The following ZCCHC8 variants were observed in gnomAD, a reference collection of about 807,000 sequenced individuals.
ZCCHC8 encodes the protein zinc finger CCHC domain-containing protein 8.
In ZCCHC8, 27 loss-of-function variants were observed where a neutral mutation model predicts 70.6. That is an observed-to-expected ratio of 0.38 (90% confidence interval 0.28 to 0.53). The LOEUF is 0.53. Among genes scored for constraint, ZCCHC8 ranks in the 20% least tolerant of loss-of-function variants. The pLI is 0.81. For synonymous variants in ZCCHC8, 293 were observed against 317.4 expected, an observed-to-expected ratio of 0.92 and a Z score of 0.82; for missense variants, 737 against 876.9, an observed-to-expected ratio of 0.84 and a Z score of 2.01.
At chr12:122,474,487 T>G (rs1462757355) in intron 13 of ZCCHC8, among the ~76,000 whole-genome samples, 1 of 152,130 alleles carries the variant, frequency 6.6e-6, no homozygotes, top group Non-Finnish European at 1.5e-5. Flanking sequence ...GTCAGGATCT[T>G]CTGGTGCTAA....
In ZCCHC8 at chr12:122,473,661, TGGCC is replaced by T; in HGVS notation, c.1956_1959del (p.Ala653LeufsTer10). On this transcript the variant is annotated frameshift_variant, in exon 14 of 14. Transcript: ENST00000633063. LOFTEE classifies it high-confidence loss of function. The stretch of plus-strand genomic sequence containing the variant: ...TCAGGTATAGGGCTATGAATTTTAG[TGGCC>T]GTTGAAGGACTGGTGTCTGCAGGAA... 6.2e-7 allele frequency: 1 copy of T among 1,614,052 alleles called. No homozygotes were observed.
chr12:122,489,812 ATTT>A (rs1566299481), intron 4 of ZCCHC8, among the ~76,000 whole-genome samples: 1 of 152,190 alleles, frequency 6.6e-6, no homozygotes, highest in Admixed American at 6.6e-5. Flanking sequence ...TTCAGTATGA[ATTT>A]TATTGTTAAA....
chr12:122,494,720 C>T (rs567443664), intron 2 of ZCCHC8, among the ~76,000 whole-genome samples: 37 of 151,814 alleles, frequency 2.4e-4, no homozygotes, highest in African/African-American at 8.5e-4. Context: ...CCAGGCGTGG[C>T]GGCACGCGCC....
rs148867026 is a variant in ZCCHC8, at chr12:122,481,994, C to T, written c.826G>A (p.Ala276Thr). ...NNQNFQQRYHAEEVEERFGRF... is the reference protein window; with the variant it reads ...NNQNFQQRYHTEEVEERFGRF... ...CCAAATCTTTCTTCTACTTCTTCTG[C>T]GTGGTATCGCTGCTGGAAATTCTGA... The change falls in exon 9 of 14, where the codon GCA becomes ACA. Residue 276 changes from alanine to threonine, a missense_variant. Transcript: ENST00000633063. 85 of 1,613,402 alleles carry T rather than the reference C, an allele frequency of 5.3e-5. 1 individual carries two copies. The African/African-American group carries it at 6.4e-4, about 12-fold the overall frequency.
chr12:122,479,795 A>C (rs777438193), intron 11 of ZCCHC8, among the ~76,000 whole-genome samples: 1 of 152,232 alleles, frequency 6.6e-6, no homozygotes, highest in African/African-American at 2.4e-5. Context: ...AAATGTAAAC[A>C]AGTAACAAAT....
chr12:122,485,190 C>T (rs1174409668), intron 5 of ZCCHC8, among the ~76,000 whole-genome samples: 1 of 152,014 alleles, frequency 6.6e-6, no homozygotes, highest in African/African-American at 2.4e-5. Context: ...CTCACTGCAA[C>T]CTCCGGTTGA....
At chr12:122,493,452 G>A (rs772254803) in intron 2 of ZCCHC8, among the ~76,000 whole-genome samples, 29 of 151,816 alleles carry the variant, frequency 1.9e-4, no homozygotes, top group Non-Finnish European at 3.4e-4. Flanking sequence ...ATGGAGTCTC[G>A]CTCTGTTGCC....
chr12:122,489,862 A>G (rs1957713409), intron 4 of ZCCHC8, among the ~76,000 whole-genome samples: 2 of 152,148 alleles, frequency 1.3e-5, no homozygotes, highest in Non-Finnish European at 2.9e-5. Flanking sequence ...AATTGTACAG[A>G]ATACATAAAA....
Position 122,486,234 on chromosome 12 carries a change from G to A in ZCCHC8, c.502-2671C>T, listed in dbSNP as rs189104589. Among the ~76,000 whole-genome samples, 4 of 151,816 alleles carry A rather than the reference G, an allele frequency of 2.6e-5. No homozygotes were observed. The East Asian group carries it at 5.9e-4, about 22-fold the overall frequency. ...TTGAGACCAGCCTGACCAACATGGT[G>A]AAACCCCATCTCTACTAAAAATACA... On this transcript the variant is annotated intron_variant, in intron 5 of 13. Transcript: ENST00000633063.
Position 122,478,301 on chromosome 12 carries a change from GA to G in ZCCHC8, c.1141-10del. 1 of 1,546,684 alleles carries G rather than the reference GA, an allele frequency of 6.5e-7. No homozygotes were observed. The highest frequency in any genetic ancestry group is 8.7e-7 in the Non-Finnish European group (1 of 1,145,274). The stretch of plus-strand genomic sequence containing the variant: ...CCAAAGATCCTCCATTCCTAATGAT[GA>G]AAAGAGAAGGAAAAAAAAAACACAT... On this transcript the variant is annotated splice_polypyrimidine_tract_variant and intron_variant, in intron 11 of 13. Transcript: ENST00000633063.
At chr12:122,495,550 A>G (rs1158204028) in intron 2 of ZCCHC8, among the ~76,000 whole-genome samples, 1 of 152,108 alleles carries the variant, frequency 6.6e-6, no homozygotes, top group African/African-American at 2.4e-5. Flanking sequence ...ATGTTTATTG[A>G]TTAAATAAAG....
At chr12:122,481,767 A>G in intron 9 of ZCCHC8, 103 bp from the exon 10 acceptor site, 1 of 1,396,512 alleles carries the variant, frequency 7.2e-7, no homozygotes, top group Admixed American at 2.6e-5. Flanking sequence ...ATTACATACC[A>G]TGACGTCTAA....
In ZCCHC8 at chr12:122,483,099, T is replaced by A; in HGVS notation, c.671+180A>T. The A allele has an allele frequency of 1.6e-6, 1 of 637,016 alleles. No individual in the cohort carries two copies. Among genetic ancestry groups the A allele is most frequent in the Non-Finnish European group, 2.6e-6 (1 of 377,766 alleles). The allele number at this position is 637,016 out of a possible 1,614,324, so 39.5% of individuals were successfully genotyped here. ...GCACATTAGGTGAGAACCAATGAATTCCAGGAAGCAGATGATTCATTTAAA... is the reference window on the plus strand; with the variant it reads ...GCACATTAGGTGAGAACCAATGAATACCAGGAAGCAGATGATTCATTTAAA... On this transcript the variant is annotated intron_variant, in intron 7 of 13. Coordinates refer to ENST00000633063, the MANE Select transcript of ZCCHC8 (RefSeq NM_017612.5). The surrounding 1 kb of genome is among the most constrained non-coding windows in gnomAD (Gnocchi z 4.4).
Position 122,478,255 on chromosome 12 carries a change from C to T in ZCCHC8, c.1178G>A (p.Cys393Tyr). The T allele has an allele frequency of 6.2e-7, 1 of 1,602,584 alleles. No individual in the cohort carries two copies. Among genetic ancestry groups the T allele is most frequent in the Non-Finnish European group, 8.5e-7 (1 of 1,174,578 alleles). The change falls in exon 12 of 14, where the codon TGT becomes TAT. Residue 393 changes from cysteine (C) to tyrosine (Y), a missense_variant. Coordinates refer to ENST00000633063, the MANE Select transcript of ZCCHC8 (RefSeq NM_017612.5). ...RIFGSIPMQA[C>Y]QQKDVFANYL... The stretch of plus-strand genomic sequence containing the variant: ...ATTGGCAAACACATCCTTCTGCTGA[C>T]ATGCCTGCATTGGTATGGAACCAAA...
chr12:122,492,874 T>C (rs1593330655), intron 2 of ZCCHC8, 85 bp from the exon 3 acceptor site: 2 of 950,042 alleles, frequency 2.1e-6, no homozygotes, highest in Non-Finnish European at 3.2e-6. Flanking sequence ...TTTTATACTT[T>C]TTTTTTCCTT....
chr12:122,487,769 T>A (rs1957667814), intron 5 of ZCCHC8, among the ~76,000 whole-genome samples: 1 of 152,164 alleles, frequency 6.6e-6, no homozygotes, highest in Admixed American at 6.5e-5. Flanking sequence ...CTTTGTAAAT[T>A]TTTCTTTCAA....
At chr12:122,499,935 C>T (rs1264960926) in intron 1 of ZCCHC8, 1 of 152,124 alleles carries the variant, frequency 6.6e-6, no homozygotes, top group Non-Finnish European at 1.5e-5. Context: ...AGTTATCTAT[C>T]TACCTATAAA....
rs370422041 is a variant in ZCCHC8, at chr12:122,498,879, T to G, written c.200-10A>C. On this transcript the variant is annotated splice_polypyrimidine_tract_variant and intron_variant, in intron 1 of 13. Coordinates refer to ENST00000633063, the MANE Select transcript of ZCCHC8 (RefSeq NM_017612.5). ...CGTTTAAGTTCTTGATGTTATTATT[T>G]GTTAAGGAAGATAAGCCCTCATTTA... The G allele has an allele frequency of 6.2e-7, 1 of 1,612,210 alleles. No individual in the cohort carries two copies. Among genetic ancestry groups the G allele is most frequent in the African/African-American group, 1.3e-5 (1 of 75,032 alleles).
In ZCCHC8 at chr12:122,483,338, A is replaced by C. The variant is rs748712552; in HGVS notation, c.612T>G (p.His204Gln). 1 of 1,596,716 alleles carries C rather than the reference A, an allele frequency of 6.3e-7. No homozygotes were observed. Residue 204 changes from histidine to glutamine, a missense_variant, in exon 7 of 14, where the codon CAT becomes CAG. Physicochemically the swap from His to Gln is conservative, Grantham distance 24. Coordinates refer to ENST00000633063, the MANE Select transcript of ZCCHC8 (RefSeq NM_017612.5). The surrounding 1 kb of genome is among the most constrained non-coding windows in gnomAD (Gnocchi z 4.4). ...LSEGWEIPKYHQVFSHIVSLE... is the reference protein window; with the variant it reads ...LSEGWEIPKYQQVFSHIVSLE... Reference sequence around the variant, plus strand: ...GAGAAACAATGTGGCTGAAGACTTGATGGTACCTTTAGTGAATTTTATTAA... The same window carrying C: ...GAGAAACAATGTGGCTGAAGACTTGCTGGTACCTTTAGTGAATTTTATTAA...
Sources: gnomAD v4.1 joint callset for allele counts (sites outside exome capture counted in the v4.1 genomes callset) on GRCh38, gnomAD v4.1.1 for gene constraint, Gnocchi (gnomAD v3.1) non-coding constraint, MANE v1.5 for transcripts, NCBI Gene and HGNC (gene_info 2026-07-23, HGNC 2026-07-21) for gene names.